Variants in PPP3CC observed in about 807,000 individuals in gnomAD.
PPP3CC encodes protein phosphatase 3 catalytic subunit gamma, also known as serine/threonine-protein phosphatase 2B catalytic subunit gamma isoform.
A neutral mutation model predicts 60.3 loss-of-function variants in PPP3CC; 35 were observed. The ratio of observed to expected loss-of-function variants is 0.58; its 90% CI spans 0.44 to 0.77. The LOEUF (loss-of-function observed/expected upper bound fraction) is 0.77. Ranked by LOEUF, PPP3CC falls within the 30% of genes least tolerant of loss-of-function variation. The pLI is 0.00. For synonymous variants in PPP3CC, 206 were observed against 224.3 expected, an observed-to-expected ratio of 0.92 and a Z score of 0.73; for missense variants, 570 against 628.9, an observed-to-expected ratio of 0.91 and a Z score of 1.00.
At chr8:22,499,197 T>C (rs1443903257) in intron 4 of PPP3CC, among the ~76,000 whole-genome samples, 1 of 149,576 alleles carries the variant, frequency 6.7e-6, no homozygotes, top group African/African-American at 2.5e-5. Flanking sequence ...CCCAGCACTT[T>C]GGGAGGCCGA....
chr8:22,528,431 A>C, intron 9 of PPP3CC, 75 bp from the exon 10 acceptor site: 1 of 975,084 alleles, frequency 1.0e-6, no homozygotes. Context: ...ATGTGTGTTT[A>C]TTTAGATATC....
intron 3 of PPP3CC, 36 bp downstream of exon 3, chr8:22,475,660 T>C: frequency 6.5e-7 from 1 of 1,529,602 alleles, no homozygotes. Flanking sequence ...GACTATTATA[T>C]TGTCTTTCAA....
At position 22,536,463 on chromosome 8, in the gene PPP3CC, C is replaced by T. The variant is rs772440339; in HGVS notation, c.1322-3006C>T. On this transcript the variant is annotated intron_variant, in intron 12 of 13. Coordinates refer to ENST00000240139, the MANE Select transcript of PPP3CC (RefSeq NM_005605.5). ...ACCTTGAGAAAGCAAATCTGCAAAT[C>T]AGGGCTGAGCAACAGAATTATATAG... is the stretch of plus-strand genomic sequence containing the variant. Among the ~76,000 whole-genome samples, 26 of 152,316 alleles carry T rather than the reference C, an allele frequency of 1.7e-4. 1 individual carries two copies. The highest frequency in any genetic ancestry group is 1.2e-3 in the South Asian group (6 of 4,826).
intron 1 of PPP3CC, among the ~76,000 whole-genome samples, chr8:22,459,847 A>T (rs1450699774): frequency 6.6e-6 from 1 of 152,200 alleles, no homozygotes; most frequent in Admixed American, 6.5e-5. Flanking sequence ...ACTTTGGGGT[A>T]GACTATTTTC....
In PPP3CC at chr8:22,488,812, G is replaced by A. The variant is rs111739172; in HGVS notation, c.373-9189G>A. Among the ~76,000 whole-genome samples the A allele has an allele frequency of 3.7e-3, 570 of 152,308 alleles. 2 individuals are homozygous for A. Among genetic ancestry groups the A allele is most frequent in the Non-Finnish European group, 6.5e-3 (442 of 68,022 alleles). Reference sequence around the variant, plus strand: ...GGAACAAGCTGTGCATAGATCAGGGGAACTACATTCCAGGCAGAGGCACAA... The same window carrying A: ...GGAACAAGCTGTGCATAGATCAGGGAAACTACATTCCAGGCAGAGGCACAA... On this transcript the variant is annotated intron_variant, in intron 3 of 13. Transcript: ENST00000240139.
At chr8:22,520,934 T>G (rs928934039) in intron 6 of PPP3CC, among the ~76,000 whole-genome samples, 1 of 152,220 alleles carries the variant, frequency 6.6e-6, no homozygotes. Flanking sequence ...CCAGTTTTTA[T>G]GGACTCGTTC....
intron 8 of PPP3CC, 49 bp from the exon 9 acceptor site, chr8:22,527,343 C>A (rs749735771): frequency 1.3e-6 from 2 of 1,597,048 alleles, no homozygotes; most frequent in Non-Finnish European, 1.7e-6. Context: ...ATACCACTTG[C>A]CATGCCATGT....
intron 8 of PPP3CC, among the ~76,000 whole-genome samples, chr8:22,523,335 T>A (rs1055375084): frequency 2.0e-5 from 3 of 152,144 alleles, no homozygotes; most frequent in Admixed American, 2.0e-4. Flanking sequence ...GTTCCAGAAA[T>A]TTTACTTCTA....
intron 12 of PPP3CC, among the ~76,000 whole-genome samples, chr8:22,538,696 C>G (rs1032957151): frequency 1.3e-5 from 2 of 152,190 alleles, no homozygotes; most frequent in African/African-American, 4.8e-5. Flanking sequence ...GGAAGTTTAC[C>G]TGTTGGTACT....
At chr8:22,449,889 GAC>G (rs1171101631) in intron 1 of PPP3CC, among the ~76,000 whole-genome samples, 1 of 143,020 alleles carries the variant, frequency 7.0e-6, no homozygotes, top group Non-Finnish European at 1.5e-5. Flanking sequence ...TTTTTTCTGA[GAC>G]AGAGTCTCGC....
In PPP3CC at chr8:22,454,085, T is replaced by C. The variant is rs114495284; in HGVS notation, c.49+12627T>C. On this transcript the variant is annotated intron_variant, in intron 1 of 13. Coordinates refer to ENST00000240139, the MANE Select transcript of PPP3CC (RefSeq NM_005605.5). Reference sequence around the variant, plus strand: ...CCTTAGCTTACTGTAACTTTTACTTTATAAACTTAAAAATTTTTAAACTTT... The same window carrying C: ...CCTTAGCTTACTGTAACTTTTACTTCATAAACTTAAAAATTTTTAAACTTT... Among the ~76,000 whole-genome samples, 1,167 of 152,382 alleles carry C rather than the reference T, an allele frequency of 7.7e-3. 12 individuals carry two copies. The highest frequency in any genetic ancestry group is 0.025 in the African/African-American group (1,043 of 41,596).
intron 10 of PPP3CC, among the ~76,000 whole-genome samples, chr8:22,530,832 A>AC (rs1246203734): frequency 2.8e-4 from 13 of 46,650 alleles, no homozygotes; most frequent in African/African-American, 2.3e-3. Context: ...CTCATCTCAA[A>AC]AAAAAAAAAA....
At chr8:22,527,915 G>A (rs144069728) in intron 9 of PPP3CC, among the ~76,000 whole-genome samples, 2 of 152,298 alleles carry the variant, frequency 1.3e-5, no homozygotes, top group East Asian at 3.9e-4. Context: ...GATTACAGGT[G>A]TGAGCCACCG....
chr8:22,513,151 C>A (rs1448325107), intron 5 of PPP3CC, 142 bp from the exon 6 acceptor site: 6 of 591,912 alleles, frequency 1.0e-5, no homozygotes, highest in Middle Eastern at 3.3e-4. Flanking sequence ...CCTTTTCTTG[C>A]AGGAAAGTCC....
chr8:22,496,515 T>TTTTTTTTTTTTTTTTTTTA, intron 3 of PPP3CC, among the ~76,000 whole-genome samples: 1 of 123,094 alleles, frequency 8.1e-6, no homozygotes, highest in Admixed American at 8.0e-5. Context: ...TTTTTTTTTT[T>TTTTTTTTTTTTTTTTTTTA]GAGACAGAGT....
chr8:22,513,508 A>C, intron 6 of PPP3CC, 76 bp downstream of exon 6: 1 of 1,448,336 alleles, frequency 6.9e-7, no homozygotes, highest in Non-Finnish European at 9.2e-7. Flanking sequence ...TCAGCATTTT[A>C]TATTTCAAAT....
intron 12 of PPP3CC, among the ~76,000 whole-genome samples, chr8:22,534,410 A>G (rs1307727660): frequency 7.5e-6 from 1 of 133,904 alleles, no homozygotes; most frequent in Non-Finnish European, 1.6e-5. Flanking sequence ...CAACAGGGCG[A>G]GACCCTGTCT....
intron 1 of PPP3CC, among the ~76,000 whole-genome samples, chr8:22,459,852 A>T (rs1044555367): frequency 6.6e-6 from 1 of 152,110 alleles, no homozygotes; most frequent in African/African-American, 2.4e-5. Context: ...GGGGTAGACT[A>T]TTTTCTTAGA....
chr8:22,502,992 A>C (rs1312786967), intron 4 of PPP3CC, among the ~76,000 whole-genome samples: 1 of 152,158 alleles, frequency 6.6e-6, no homozygotes, highest in Non-Finnish European at 1.5e-5. Context: ...CTATAAGTGC[A>C]TGCCATCGCG....
Sources: allele counts gnomAD v4.1 joint callset (sites outside exome capture counted in the v4.1 genomes callset), GRCh38; gene constraint gnomAD v4.1.1; transcripts MANE v1.5; gene names NCBI Gene and HGNC (gene_info 2026-07-23, HGNC 2026-07-21).